NEBL: variants seen among roughly 807,000 people sequenced by gnomAD.
NEBL encodes nebulette.
In NEBL, 122 loss-of-function variants were observed where a neutral mutation model predicts 140.2. The observed-to-expected ratio is 0.87, with a 90% CI of 0.75 to 1.01. The LOEUF (loss-of-function observed/expected upper bound fraction) is 1.01, where lower values mean the gene tolerates loss of function less well. NEBL is among the 50% of genes least tolerant of loss of function. The pLI is 0.00. For synonymous variants in NEBL, 436 were observed against 398.9 expected (o/e 1.09, Z -1.11); for missense variants, 1,365 against 1,231.3 (o/e 1.11, Z -1.62).
chr10:21,203,977 T>C (rs1841784481), intron 3 of NEBL, among the ~76,000 whole-genome samples: 1 of 152,128 alleles, frequency 6.6e-6, no homozygotes. Context: ...AATAAGTCCA[T>C]TGGAATAAGC....
intron 26 of NEBL, among the ~76,000 whole-genome samples, chr10:20,803,492 T>C (rs377050977): frequency 6.6e-6 from 1 of 152,186 alleles, no homozygotes; most frequent in South Asian, 2.1e-4. Flanking sequence ...AACTACATTT[T>C]GTTTTTAAAA....
intron 1 of NEBL, among the ~76,000 whole-genome samples, chr10:21,274,451 A>G (rs572817626): frequency 6.0e-4 from 92 of 152,290 alleles, no homozygotes; most frequent in African/African-American, 2.2e-3. Context: ...TTTGAGACAC[A>G]ATTTCCCTCT....
intron 23 of NEBL, chr10:20,813,705 T>C: frequency 1.9e-6 from 1 of 517,096 alleles, no homozygotes; most frequent in Non-Finnish European, 3.5e-6. Context: ...GAGTTTACAG[T>C]AGTCACGTTA....
At chr10:20,977,990 T>A (rs796276836) in intron 3 of NEBL, among the ~76,000 whole-genome samples, 2 of 152,234 alleles carry the variant, frequency 1.3e-5, no homozygotes, top group East Asian at 1.9e-4. Flanking sequence ...ATAGATTACA[T>A]TGAAAATTAA....
chr10:20,811,940 A>G (rs1226665618), intron 24 of NEBL, among the ~76,000 whole-genome samples: 1 of 152,186 alleles, frequency 6.6e-6, no homozygotes, highest in Non-Finnish European at 1.5e-5. Flanking sequence ...CTGATATCTC[A>G]GCCACCATTC....
At chr10:20,929,908 T>TATAA (rs1263532292) in intron 4 of NEBL, among the ~76,000 whole-genome samples, 1 of 152,168 alleles carries the variant, frequency 6.6e-6, no homozygotes, top group Non-Finnish European at 1.5e-5. Context: ...CTGTACCTTC[T>TATAA]AAGTCTATAA....
intron 3 of NEBL, among the ~76,000 whole-genome samples, chr10:20,974,449 T>G (rs1014034700): frequency 1.3e-5 from 2 of 152,034 alleles, no homozygotes; most frequent in African/African-American, 4.8e-5. Context: ...AGATGGGGTT[T>G]TGCCATGCTG....
At chr10:21,146,531 A>G in intron 2 of NEBL, 1 of 1,577,348 alleles carries the variant, frequency 6.3e-7, no homozygotes, top group Non-Finnish European at 8.7e-7. Flanking sequence ...TTATCAGAAA[A>G]TGGTGAAAAT....
intron 2 of NEBL, among the ~76,000 whole-genome samples, chr10:21,127,736 A>T (rs1034663011): frequency 2.0e-5 from 3 of 152,120 alleles, no homozygotes; most frequent in African/African-American, 7.3e-5. Context: ...CAACAAATAA[A>T]GGGAATTAAA....
chr10:21,231,290 A>G (rs1002439591), intron 3 of NEBL, among the ~76,000 whole-genome samples: 1 of 152,174 alleles, frequency 6.6e-6, no homozygotes, highest in African/African-American at 2.4e-5. Flanking sequence ...CTGTAATCCC[A>G]GCACTTTGGG....
chr10:21,276,078 G>A (rs1282978943), intron 1 of NEBL, among the ~76,000 whole-genome samples: 1 of 149,724 alleles, frequency 6.7e-6, no homozygotes, highest in African/African-American at 2.5e-5. Flanking sequence ...TCAAGCGATT[G>A]TCATGCCTCA....
At position 20,785,627 on chromosome 10, in the gene NEBL, C is replaced by T. The variant is rs1398503579; in HGVS notation, c.*120G>A. On this transcript the variant is annotated 3_prime_UTR_variant, in exon 28 of 28. Coordinates refer to ENST00000377122, the MANE Select transcript of NEBL (RefSeq NM_006393.3). ...TCCTGGTACCTGTGTGTCTAATTGT[C>T]AAAGGAAGGATACATCATTGTAAAA... 8.4e-7 allele frequency: 1 copy of T among 1,185,538 alleles called. No homozygotes were observed. The highest frequency in any genetic ancestry group is 2.0e-5 in the Admixed American group (1 of 50,174). The allele number at this position is 1,185,538 out of a possible 1,614,324, so 73.4% of individuals were successfully genotyped here. A position where few individuals can be genotyped will look rare whatever the true frequency, so the allele number is the denominator to read the frequency against.
At chr10:20,813,204 G>A (rs1220695093) in intron 23 of NEBL, among the ~76,000 whole-genome samples, 2 of 150,610 alleles carry the variant, frequency 1.3e-5, no homozygotes, top group Non-Finnish European at 3.0e-5. Flanking sequence ...TATTATTAAT[G>A]AGAGCTTGTA....
chr10:20,988,441 T>C (rs1052376820), intron 3 of NEBL, among the ~76,000 whole-genome samples: 10 of 152,280 alleles, frequency 6.6e-5, no homozygotes, highest in African/African-American at 2.2e-4. Flanking sequence ...AAAAAAAAAT[T>C]GACCAACCCT....
intron 3 of NEBL, among the ~76,000 whole-genome samples, chr10:21,237,799 G>A (rs1402159657): frequency 6.6e-6 from 1 of 151,732 alleles, no homozygotes; most frequent in Non-Finnish European, 1.5e-5. Flanking sequence ...TAGAGACTGG[G>A]TTTCACCATG....
chr10:21,080,435 G>C (rs1213265935), intron 2 of NEBL, among the ~76,000 whole-genome samples: 1 of 152,146 alleles, frequency 6.6e-6, no homozygotes, highest in Non-Finnish European at 1.5e-5. Flanking sequence ...ACTAACTCTG[G>C]CATATAAGCT....
intron 1 of NEBL, among the ~76,000 whole-genome samples, chr10:21,280,619 CTTT>C (rs554320752): frequency 3.1e-5 from 3 of 98,134 alleles, no homozygotes; most frequent in Middle Eastern, 7.7e-3. Flanking sequence ...TTTCTTTTTC[CTTT>C]TTTTTTTTTT....
At chr10:21,223,514 G>C (rs1309579359) in intron 3 of NEBL, among the ~76,000 whole-genome samples, 2 of 152,216 alleles carry the variant, frequency 1.3e-5, no homozygotes, top group African/African-American at 4.8e-5. Flanking sequence ...TAAACATGGA[G>C]TGCAGAGATC....
At chr10:20,813,220 A>G (rs943760640) in intron 23 of NEBL, among the ~76,000 whole-genome samples, 5 of 151,114 alleles carry the variant, frequency 3.3e-5, no homozygotes, top group Non-Finnish European at 5.9e-5. Flanking sequence ...TTGTAAAAAT[A>G]CATATTCTCA....
Sources: gnomAD v4.1 joint callset for allele counts (sites outside exome capture counted in the v4.1 genomes callset) on GRCh38, gnomAD v4.1.1 for gene constraint, MANE v1.5 for transcripts, NCBI Gene and HGNC (gene_info 2026-07-23, HGNC 2026-07-21) for gene names.